The following TAGLN2 variants were observed in gnomAD, a reference collection of about 807,000 sequenced individuals.
TAGLN2 encodes transgelin-2.
Under a neutral mutation model 24.9 loss-of-function variants are expected in TAGLN2, and 14 were observed. The ratio of observed to expected loss-of-function variants is 0.56; its 90% CI spans 0.37 to 0.88. The LOEUF is 0.88. Ranked by LOEUF, TAGLN2 falls within the 40% of genes least tolerant of loss-of-function variation. The pLI is 0.00. For synonymous variants in TAGLN2, 77 were observed against 98.2 expected, an observed-to-expected ratio of 0.78 and a Z score of 1.28; for missense variants, 208 against 258.9, an observed-to-expected ratio of 0.80 and a Z score of 1.35.
chr1:159,919,447 A>G, intron 3 of TAGLN2, 71 bp from the exon 4 acceptor site: 1 of 1,513,424 alleles, frequency 6.6e-7, no homozygotes, highest in Non-Finnish European at 9.2e-7. Context: ...TCTATCGCTA[A>G]GTCAGCAGGC....
chr1:159,921,288 T>A (rs1252356650), intron 1 of TAGLN2, among the ~76,000 whole-genome samples: 1 of 152,222 alleles, frequency 6.6e-6, no homozygotes, highest in Non-Finnish European at 1.5e-5. Flanking sequence ...GAGATTATCC[T>A]GCATCATCTA....
At chr1:159,923,823 CCAAA>C (rs1187761457) in intron 1 of TAGLN2, 8 of 265,208 alleles carry the variant, frequency 3.0e-5, no homozygotes, top group Middle Eastern at 1.1e-3. Flanking sequence ...CTTCTGTGTA[CCAAA>C]CAGTGTTGGA....
rs1650422740 is a variant in TAGLN2, at chr1:159,918,707, C to T, written c.*93G>A. 2.0e-6 allele frequency: 3 copies of T among 1,523,720 alleles called. No individual in the cohort carries two copies. The highest frequency in any genetic ancestry group is 1.3e-5 in the South Asian group (1 of 78,792). The allele number at this position is 1,523,720 out of a possible 1,614,324, so 94.4% of individuals were successfully genotyped here. On this transcript the variant is annotated 3_prime_UTR_variant, in exon 5 of 5. Transcript: ENST00000368097. The stretch of plus-strand genomic sequence containing the variant: ...ACCCTGACAGAAAGGAGCTTGAGAG[C>T]TCTGGGGCTCTCTGGGAATGTCACT...
intron 1 of TAGLN2, among the ~76,000 whole-genome samples, chr1:159,921,485 A>C (rs76870590): frequency 6.6e-6 from 1 of 152,054 alleles, no homozygotes; most frequent in East Asian, 1.9e-4. Context: ...TCACCCAAAA[A>C]CCCCAGAAGG....
chr1:159,925,315 TA>T (rs1427332395), intron 1 of TAGLN2, 134 bp downstream of exon 1: 1 of 151,402 alleles, frequency 6.6e-6, no homozygotes, highest in Non-Finnish European at 1.5e-5. Flanking sequence ...CGGGGCGGGG[TA>T]AAGTAGTCAC....
chr1:159,918,650 C>T lies in TAGLN2; in HGVS notation c.*150G>A. ...ATGGGGGAGAGGATGCCAGCAGGCA[C>T]CTCAGAGGTGACAGGACAGGCTGAA... On this transcript the variant is annotated 3_prime_UTR_variant, in exon 5 of 5. Transcript: ENST00000368097. 2 of 1,103,632 alleles carry T rather than the reference C, an allele frequency of 1.8e-6. No individual in the cohort carries two copies. Among genetic ancestry groups the T allele is most frequent in the South Asian group, 3.1e-5 (2 of 65,454 alleles). 68.4% of individuals were successfully genotyped at this position (1,103,632 alleles called of 1,614,324 possible).
chr1:159,919,804 G>A lies in TAGLN2; in HGVS notation c.212C>T (p.Pro71Leu). The A allele has an allele frequency of 1.2e-6, 2 of 1,614,130 alleles. No individual in the cohort carries two copies. Among genetic ancestry groups the A allele is most frequent in the South Asian group, 1.1e-5 (1 of 91,078 alleles). ...CTTCTTTACTGGGGCCTGCCCCTCGGGGTACAGTGCATTAATGAGCTCACA... is the reference window on the plus strand; with the variant it reads ...CTTCTTTACTGGGGCCTGCCCCTCGAGGTACAGTGCATTAATGAGCTCACA... ...VLCELINALY[P>L]EGQAPVKKIQ... The change falls in exon 3 of 5, where the codon CCC (proline) becomes CTC (leucine). Residue 71 changes from proline (P) to leucine (L), a missense_variant. Pro to Leu is a moderately conservative substitution (Grantham distance 98, BLOSUM62 -3). Transcript: ENST00000368097.
chr1:159,921,173 G>GC (rs58367311), intron 1 of TAGLN2, among the ~76,000 whole-genome samples: 155 of 151,632 alleles, frequency 1.0e-3, no homozygotes, highest in African/African-American at 3.1e-3. Flanking sequence ...GCAGAATCAT[G>GC]CCCCCGCAAA....
intron 4 of TAGLN2, 122 bp downstream of exon 4, chr1:159,919,152 G>C (rs1571201215): frequency 8.0e-7 from 1 of 1,252,652 alleles, no homozygotes; most frequent in Non-Finnish European, 1.2e-6. Flanking sequence ...AGTGAGATGA[G>C]GAATTTTCTG....
In TAGLN2 at chr1:159,920,360, C is replaced by T; in HGVS notation, c.150G>A (p.Glu50=). The T allele has an allele frequency of 1.2e-6, 2 of 1,614,236 alleles. No homozygotes were observed. Among genetic ancestry groups the T allele is most frequent in the South Asian group, 1.1e-5 (1 of 91,078 alleles). ...KDVGRPQPGR[E]NFQNWLKDGT... The stretch of plus-strand genomic sequence containing the variant: ...CATCCTTGAGCCAGTTCTGGAAGTT[C>T]TCGCGTCCAGGCTGGGGCCGGCCCA... The change falls in exon 2 of 5, where the codon GAG becomes GAA. Residue 50 remains glutamate, a synonymous_variant. Transcript: ENST00000368097.
intron 1 of TAGLN2, chr1:159,923,692 C>CTTTTTAAATGAG: frequency 4.3e-6 from 2 of 463,118 alleles, no homozygotes; most frequent in South Asian, 7.5e-5. Flanking sequence ...TTAAGGGAAC[C>CTTTTTAAATGAG]ACCGTAGGGC....
At chr1:159,923,996 G>C (rs1032210132) in intron 1 of TAGLN2, among the ~76,000 whole-genome samples, 23 of 152,194 alleles carry the variant, frequency 1.5e-4, no homozygotes, top group African/African-American at 5.5e-4. Flanking sequence ...GGGATGGACA[G>C]CGTGTGGGGG....
intron 1 of TAGLN2, among the ~76,000 whole-genome samples, chr1:159,922,864 G>T (rs1650580529): frequency 1.3e-5 from 2 of 152,234 alleles, no homozygotes; most frequent in Non-Finnish European, 2.9e-5. Flanking sequence ...GTGGAAAGTG[G>T]ATGCTGAGGA....
chr1:159,919,278 G>A lies in TAGLN2; in HGVS notation c.454C>T (p.Pro152Ser), dbSNP rs768197372. 1 of 1,614,108 alleles carries A rather than the reference G, an allele frequency of 6.2e-7. No homozygotes were observed. Among genetic ancestry groups the A allele is most frequent in the Admixed American group, 1.7e-5 (1 of 60,028 alleles). ...GLFSGDPNWF[P>S]KKSKENPRNF... ...GGCTGTCCCAGCAATACTTACTTAG[G>A]GAACCAGTTGGGATCCCCAGAGAAG... Residue 152 changes from proline (P) to serine (S), a missense_variant, in exon 4 of 5, where the codon CCT (proline) becomes TCT (serine). Transcript: ENST00000368097.
At position 159,918,461 on chromosome 1, in the gene TAGLN2, C is replaced by A; in HGVS notation, c.*339G>T. On this transcript the variant is annotated 3_prime_UTR_variant, in exon 5 of 5. Coordinates refer to ENST00000368097, the MANE Select transcript of TAGLN2 (RefSeq NM_003564.3). The stretch of plus-strand genomic sequence containing the variant: ...TCCCAGCCATGGAATGAACGGAGGA[C>A]ACAGAGCTCAGAGACAGAACAGGCC... 4.5e-6 allele frequency: 1 copy of A among 219,854 alleles called. No homozygotes were observed. 13.6% of individuals were successfully genotyped at this position (219,854 alleles called of 1,614,324 possible).
chr1:159,921,557 G>A (rs1650533278), intron 1 of TAGLN2, among the ~76,000 whole-genome samples: 1 of 152,238 alleles, frequency 6.6e-6, no homozygotes, highest in South Asian at 2.1e-4. Flanking sequence ...CTGTAGAACT[G>A]TAAGATGCTG....
intron 1 of TAGLN2, among the ~76,000 whole-genome samples, chr1:159,922,453 C>A (rs899203427): frequency 1.3e-5 from 2 of 152,144 alleles, no homozygotes; most frequent in African/African-American, 4.8e-5. Flanking sequence ...GGAAGGCAGG[C>A]GGGGTGGGGT....
chr1:159,920,349 T>A lies in TAGLN2; in HGVS notation c.161A>T (p.Asn54Ile). The stretch of plus-strand genomic sequence containing the variant: ...TCTCACCGTGCCATCCTTGAGCCAG[T>A]TCTGGAAGTTCTCGCGTCCAGGCTG... ...RPQPGRENFQNWLKDGTVLCE... is the reference protein window; with the variant it reads ...RPQPGRENFQIWLKDGTVLCE... Residue 54 changes from asparagine (N) to isoleucine (I), a missense_variant, in exon 2 of 5, where the codon AAC (asparagine) becomes ATC (isoleucine). Transcript: ENST00000368097. 1 of 1,614,224 alleles carries A rather than the reference T, an allele frequency of 6.2e-7. No homozygotes were observed. Among genetic ancestry groups the A allele is most frequent in the South Asian group, 1.1e-5 (1 of 91,084 alleles).
intron 1 of TAGLN2, chr1:159,923,294 T>TG: frequency 1.1e-6 from 1 of 919,154 alleles, no homozygotes; most frequent in Non-Finnish European, 1.6e-6. Context: ...GGGGATGGAC[T>TG]GGCAGGGAGC....
Sources: allele counts gnomAD v4.1 joint callset (sites outside exome capture counted in the v4.1 genomes callset), GRCh38; gene constraint gnomAD v4.1.1; transcripts MANE v1.5; gene names NCBI Gene and HGNC (gene_info 2026-07-23, HGNC 2026-07-21).